Variants in DAPK2 observed in about 807,000 individuals in gnomAD.
The protein encoded by DAPK2 is death associated protein kinase 2, also known as death-associated protein kinase 2.
A neutral mutation model predicts 44.1 loss-of-function variants in DAPK2; 35 were observed. The observed-to-expected ratio is 0.79, with a 90% confidence interval of 0.61 to 1.05. DAPK2 has a LOEUF of 1.05. DAPK2 is among the 50% of genes least tolerant of loss of function. The pLI is 0.00. For synonymous variants in DAPK2, 174 were observed against 182.6 expected (o/e 0.95, Z 0.38); for missense variants, 453 against 483.2 (o/e 0.94, Z 0.59).
At chr15:63,929,575 C>T (rs1453148299) in exon 6 of DAPK2, 6 of 1,614,022 alleles carry the variant, frequency 3.7e-6, no homozygotes, top group African/African-American at 1.3e-5. Flanking sequence ...GACGCCTATG[C>T]TCCTGCAAAA....
intron 1 of DAPK2, among the ~76,000 whole-genome samples, chr15:63,988,016 G>T (rs1365245705): frequency 6.6e-6 from 1 of 152,170 alleles, no homozygotes; most frequent in Non-Finnish European, 1.5e-5. Context: ...CTGTGCCTGA[G>T]ACTGGCTTGC....
intron 1 of DAPK2, among the ~76,000 whole-genome samples, chr15:64,012,336 C>G (rs2079410825): frequency 6.6e-6 from 1 of 152,220 alleles, no homozygotes; most frequent in Admixed American, 6.5e-5. Context: ...GATGCACTAA[C>G]AATTCCATTT....
chr15:64,036,303 G>GTATATATA (rs1225495882), intron 1 of DAPK2, among the ~76,000 whole-genome samples: 1,339 of 48,358 alleles, frequency 0.028, 28 homozygotes, highest in East Asian at 0.065. Flanking sequence ...GTGTGTGTGT[G>GTATATATA]TGTGTGTATA....
intron 2 of DAPK2, among the ~76,000 whole-genome samples, chr15:63,983,185 G>T (rs1039580036): frequency 6.6e-6 from 1 of 151,972 alleles, no homozygotes; most frequent in African/African-American, 2.4e-5. Context: ...CCCACCATCT[G>T]TCCCACTCAC....
rs1451338847 is a variant in DAPK2, at chr15:64,014,911, G to A, written c.92+25259C>T. Among the ~76,000 whole-genome samples, 4 of 140,296 alleles carry A rather than the reference G, an allele frequency of 2.9e-5. No individual in the cohort carries two copies. The Admixed American group carries it at 2.9e-4, about 10-fold the overall frequency. The allele number at this position is 140,296 out of a possible 152,430, so 92.0% of individuals were successfully genotyped here. A position where few individuals can be genotyped will look rare whatever the true frequency, so the allele number is the denominator to read the frequency against. On this transcript the variant is annotated intron_variant, in intron 1 of 10. Transcript: ENST00000261891. ...CCACTTCACTCTAGCCTGGGTGAAA[G>A]AGCGAGACTCCATCTCAAAAAAAAA... is the stretch of plus-strand genomic sequence containing the variant.
At chr15:64,017,099 G>A (rs1006566113) in intron 1 of DAPK2, among the ~76,000 whole-genome samples, 5 of 152,130 alleles carry the variant, frequency 3.3e-5, no homozygotes, top group Admixed American at 6.5e-5. Flanking sequence ...CACTCAGCAG[G>A]GAGTTCTAGG....
At chr15:64,028,052 A>ACC (rs71131200) in intron 1 of DAPK2, among the ~76,000 whole-genome samples, 3 of 151,652 alleles carry the variant, frequency 2.0e-5, no homozygotes, top group Non-Finnish European at 4.4e-5. Context: ...CTATCTATCT[A>ACC]TCTATCTATC....
rs1250976564 is a variant in DAPK2 at position 63,990,178 on chromosome 15, A to T, written c.93-6424T>A. 6.6e-6 allele frequency among the ~76,000 whole-genome samples: 1 copy of T among 152,158 alleles called. No homozygotes were observed. The highest frequency in any genetic ancestry group is 1.5e-5 in the Non-Finnish European group (1 of 68,024). ...TCTATGGGCTGGGTGTGGTTGTTGT[A>T]ATCCCAGCACTCTGGGAGGCGGGAG... On this transcript the variant is annotated intron_variant, in intron 1 of 10. Coordinates refer to ENST00000261891, the Ensembl canonical transcript of DAPK2. This position sits in a 1 kb window ranked among gnomAD's most constrained non-coding sequence, Gnocchi z 4.3.
intron 1 of DAPK2, among the ~76,000 whole-genome samples, chr15:64,038,152 A>G (rs547107526): frequency 5.7e-4 from 87 of 152,210 alleles, no homozygotes; most frequent in African/African-American, 2.0e-3. Flanking sequence ...ACTCCCCACA[A>G]CTTCTCAGTT....
chr15:63,937,407 G>T (rs2077190945), intron 4 of DAPK2, among the ~76,000 whole-genome samples: 1 of 152,156 alleles, frequency 6.6e-6, no homozygotes, highest in South Asian at 2.1e-4. Context: ...ACTCTCCATT[G>T]TATAGCCTCA....
intron 2 of DAPK2, among the ~76,000 whole-genome samples, chr15:63,972,820 A>G (rs528099969): frequency 6.6e-6 from 1 of 152,346 alleles, no homozygotes; most frequent in Admixed American, 6.5e-5. Context: ...ATTGGAAAAC[A>G]TAAGAAAACC....
rs115488356 is a variant in DAPK2 at position 64,011,560 on chromosome 15, G to A, written c.93-27806C>T. Among the ~76,000 whole-genome samples, 630 of 152,224 alleles carry A rather than the reference G, an allele frequency of 4.1e-3. 3 individuals carry two copies. The highest frequency in any genetic ancestry group is 0.014 in the African/African-American group (578 of 41,530). On this transcript the variant is annotated intron_variant, in intron 1 of 10. Coordinates refer to ENST00000261891, the Ensembl canonical transcript of DAPK2. ...TGGAAGTGTTTAGGAGAAAAACAACGCTACAGCCTTATACACTCCAGGTTG... is the reference window on the plus strand; with the variant it reads ...TGGAAGTGTTTAGGAGAAAAACAACACTACAGCCTTATACACTCCAGGTTG...
At chr15:63,922,529 C>T in intron 8 of DAPK2, 2 of 1,363,014 alleles carry the variant, frequency 1.5e-6, no homozygotes, top group South Asian at 1.9e-5. Context: ...TGCCAGAGCC[C>T]TCCCAGAAAA....
chr15:63,992,953 G>A (rs1171500431), intron 1 of DAPK2, among the ~76,000 whole-genome samples: 2 of 152,248 alleles, frequency 1.3e-5, no homozygotes, highest in East Asian at 1.9e-4. Context: ...GTGCTGCCAC[G>A]CAGGAAAAAG....
intron 8 of DAPK2, 89 bp downstream of exon 9, chr15:63,924,727 C>T (rs746531248): frequency 6.9e-7 from 1 of 1,453,150 alleles, no homozygotes; most frequent in Non-Finnish European, 9.6e-7. Flanking sequence ...AAGGCCTCTC[C>T]ATGGGCCCTC....
At chr15:64,025,569 T>G (rs767147985) in intron 1 of DAPK2, among the ~76,000 whole-genome samples, 7 of 152,190 alleles carry the variant, frequency 4.6e-5, no homozygotes, top group Non-Finnish European at 1.0e-4. Flanking sequence ...CCATCATAAA[T>G]TACTTTTACA....
At chr15:64,032,690 C>T (rs776837309) in intron 1 of DAPK2, among the ~76,000 whole-genome samples, 5 of 152,166 alleles carry the variant, frequency 3.3e-5, no homozygotes, top group Non-Finnish European at 7.3e-5. Context: ...GTGGTTTACA[C>T]CTATAATCCC....
intron 1 of DAPK2, among the ~76,000 whole-genome samples, chr15:64,023,181 G>C (rs1379576047): frequency 6.6e-6 from 1 of 152,198 alleles, no homozygotes; most frequent in Non-Finnish European, 1.5e-5. Context: ...TGACAGCAGG[G>C]ATATCCACAA....
intron 1 of DAPK2, among the ~76,000 whole-genome samples, chr15:64,017,986 A>ACC (rs1216386413): frequency 6.6e-6 from 1 of 152,218 alleles, no homozygotes; most frequent in African/African-American, 2.4e-5. Flanking sequence ...ACTCTAGAGA[A>ACC]CCACAAGATG....
Sources: gnomAD v4.1 joint callset for allele counts (sites outside exome capture counted in the v4.1 genomes callset) on GRCh38, gnomAD v4.1.1 for gene constraint, Gnocchi (gnomAD v3.1) non-coding constraint, MANE v1.5 for transcripts, NCBI Gene and HGNC (gene_info 2026-07-23, HGNC 2026-07-21) for gene names.